The following CCDC73 variants were observed in gnomAD, a reference collection of about 807,000 sequenced individuals.
The protein encoded by CCDC73 is coiled-coil domain-containing protein 73.
CCDC73 carries 95 observed loss-of-function variants against 116.5 expected under a neutral mutation model. The observed-to-expected ratio is 0.82, with a 90% confidence interval of 0.69 to 0.97. The LOEUF (loss-of-function observed/expected upper bound fraction) is 0.97, where lower values mean the gene tolerates loss of function less well. Among genes scored for constraint, CCDC73 ranks in the 50% least tolerant of loss-of-function variants. The probability of loss-of-function intolerance (pLI) is 0.00; values close to 1 mark genes in which losing one functional copy is unlikely to be tolerated. For synonymous variants in CCDC73, 398 were observed against 401.3 expected, an observed-to-expected ratio of 0.99 and a Z score of 0.10; for missense variants, 1,066 against 1,206.8, an observed-to-expected ratio of 0.88 and a Z score of 1.73.
chr11:32,750,106 G>A (rs534850228), intron 2 of CCDC73, among the ~76,000 whole-genome samples: 2 of 152,104 alleles, frequency 1.3e-5, no homozygotes, highest in Admixed American at 6.6e-5. Context: ...TCCTGACCTC[G>A]TGATCCGCCT....
At chr11:32,809,170 T>A in the CCDC73 span, among the ~76,000 whole-genome samples, 96 of 152,314 alleles carry the variant, frequency 6.3e-4, 1 homozygote, top group Non-Finnish European at 5.1e-4. Context: ...CAGGACAATT[T>A]AGGGATAAAA....
chr11:32,718,117 CA>C lies in CCDC73; in HGVS notation c.165del (p.Ile55MetfsTer42). ...REAEIHYEEQ[I>X]GKIIVETQEL... ...TCCTGTGTCTCCACAATAATTTTAC[CA>C]ATCTGCTCTTCATAATGAATTTCTG... On this transcript the variant is annotated frameshift_variant, in exon 3 of 18. Coordinates refer to ENST00000335185, the MANE Select transcript of CCDC73 (RefSeq NM_001008391.4). LOFTEE classifies it high-confidence loss of function. The C allele has an allele frequency of 6.2e-7, 1 of 1,607,402 alleles. No homozygotes were observed. The highest frequency in any genetic ancestry group is 1.1e-5 in the South Asian group (1 of 90,036).
At chr11:32,710,880 T>G (rs1196519113) in intron 3 of CCDC73, among the ~76,000 whole-genome samples, 1 of 152,134 alleles carries the variant, frequency 6.6e-6, no homozygotes, top group Non-Finnish European at 1.5e-5. Context: ...TGGGACTTAA[T>G]TAAACTAAAA....
chr11:32,785,102 G>T (rs1038752323), intron 1 of CCDC73, among the ~76,000 whole-genome samples: 1 of 152,006 alleles, frequency 6.6e-6, no homozygotes, highest in Non-Finnish European at 1.5e-5. Context: ...GGAGGTAGAG[G>T]TTGCAGTGAG....
chr11:32,825,423 C>A, the CCDC73 span, among the ~76,000 whole-genome samples: 1 of 150,964 alleles, frequency 6.6e-6, no homozygotes, highest in African/African-American at 2.4e-5. Context: ...CTACCTCAGT[C>A]TCCCAAGTAG....
intron 6 of CCDC73, among the ~76,000 whole-genome samples, chr11:32,692,208 T>C (rs1856266719): frequency 6.6e-6 from 1 of 152,154 alleles, no homozygotes; most frequent in Non-Finnish European, 1.5e-5. Context: ...GATTCATTTT[T>C]TTCATATGGA....
In CCDC73 at chr11:32,634,706, A is replaced by G. The variant is rs182510029; in HGVS notation, c.1185+990T>C. Among the ~76,000 whole-genome samples the G allele has an allele frequency of 4.1e-3, 629 of 152,360 alleles. 4 individuals are homozygous for G. The highest frequency in any genetic ancestry group is 6.4e-3 in the Non-Finnish European group (435 of 68,044). ...AAAGCATACAGCATTTTAGAAAGAA[A>G]GTAAAACTGTCTTAAACTTGCAGAC... On this transcript the variant is annotated intron_variant, in intron 14 of 17. Coordinates refer to ENST00000335185, the MANE Select transcript of CCDC73 (RefSeq NM_001008391.4).
At chr11:32,696,645 A>C (rs1442370370) in intron 6 of CCDC73, among the ~76,000 whole-genome samples, 1 of 152,072 alleles carries the variant, frequency 6.6e-6, no homozygotes, top group Admixed American at 6.6e-5. Context: ...CACGTTGCCC[A>C]GGCTGGTCTT....
the CCDC73 span, among the ~76,000 whole-genome samples, chr11:32,816,929 G>A: frequency 3.3e-5 from 5 of 152,028 alleles, no homozygotes; most frequent in African/African-American, 4.8e-5. Flanking sequence ...AACTACAGGC[G>A]CCTGCCACCA....
At chr11:32,684,225 A>T (rs886908025) in intron 6 of CCDC73, among the ~76,000 whole-genome samples, 1 of 151,832 alleles carries the variant, frequency 6.6e-6, no homozygotes, top group African/African-American at 2.4e-5. Context: ...CTAATTTTTA[A>T]AATTTTTTCT....
intron 2 of CCDC73, among the ~76,000 whole-genome samples, chr11:32,725,905 G>A (rs1023822686): frequency 3.3e-5 from 5 of 152,116 alleles, no homozygotes; most frequent in Non-Finnish European, 5.9e-5. Flanking sequence ...TTCAGGGCCC[G>A]CCAAGGAGGA....
intron 14 of CCDC73, among the ~76,000 whole-genome samples, chr11:32,616,565 C>T (rs1364929412): frequency 6.6e-6 from 1 of 152,120 alleles, no homozygotes; most frequent in Non-Finnish European, 1.5e-5. Context: ...CGACAAGCCT[C>T]AAAATTCTGG....
rs537114602 is a variant in CCDC73 at position 32,636,453 on chromosome 11, G to T, written c.1051-623C>A. 1.7e-3 allele frequency among the ~76,000 whole-genome samples: 258 copies of T among 152,120 alleles called. 1 individual carries two copies. The highest frequency in any genetic ancestry group is 6.6e-4 in the Non-Finnish European group (45 of 67,978). The stretch of plus-strand genomic sequence containing the variant: ...ACTCCCTATAAAATTTCATAAACTT[G>T]ATTTTGGGGAAAGGAGTACTCTCAC... On this transcript the variant is annotated intron_variant, in intron 13 of 17. Coordinates refer to ENST00000335185, the MANE Select transcript of CCDC73 (RefSeq NM_001008391.4).
intron 6 of CCDC73, among the ~76,000 whole-genome samples, chr11:32,689,256 T>C (rs551140207): frequency 8.5e-5 from 13 of 152,062 alleles, no homozygotes; most frequent in East Asian, 1.9e-4. Flanking sequence ...GATGATAAAT[T>C]AAGGTAACAA....
At chr11:32,766,541 T>C (rs1850444141) in intron 1 of CCDC73, among the ~76,000 whole-genome samples, 2 of 152,168 alleles carry the variant, frequency 1.3e-5, no homozygotes, top group Admixed American at 1.3e-4. Context: ...GATGACATGA[T>C]TGTATATTTA....
chr11:32,829,228 A>G, the CCDC73 span, among the ~76,000 whole-genome samples: 1 of 152,280 alleles, frequency 6.6e-6, no homozygotes, highest in Non-Finnish European at 1.5e-5. Context: ...ACTACTATGG[A>G]AAATACCAGA....
At chr11:32,713,499 T>A (rs1306183240) in intron 3 of CCDC73, among the ~76,000 whole-genome samples, 1 of 152,036 alleles carries the variant, frequency 6.6e-6, no homozygotes, top group Non-Finnish European at 1.5e-5. Context: ...ACGTTAAGGC[T>A]AGAGGAAATA....
At chr11:32,715,594 T>G (rs1849937827) in intron 3 of CCDC73, among the ~76,000 whole-genome samples, 1 of 152,110 alleles carries the variant, frequency 6.6e-6, no homozygotes, top group South Asian at 2.1e-4. Flanking sequence ...ACATCCTAAA[T>G]AATAATAGTT....
chr11:32,650,051 A>C (rs921060298), intron 12 of CCDC73, among the ~76,000 whole-genome samples: 1 of 152,188 alleles, frequency 6.6e-6, no homozygotes, highest in African/African-American at 2.4e-5. Context: ...CACAGTCAAA[A>C]TATCCTGGAA....
Sources: gnomAD v4.1 joint callset for allele counts (sites outside exome capture counted in the v4.1 genomes callset) on GRCh38, gnomAD v4.1.1 for gene constraint, MANE v1.5 for transcripts, NCBI Gene and HGNC (gene_info 2026-07-23, HGNC 2026-07-21) for gene names.